The following LRBA variants were observed in gnomAD, a reference collection of about 807,000 sequenced individuals.
LRBA encodes the protein lipopolysaccharide-responsive and beige-like anchor protein.
A neutral mutation model predicts 330.0 loss-of-function variants in LRBA; 176 were observed. The observed-to-expected ratio is 0.53, with a 90% CI of 0.47 to 0.60. LRBA has a LOEUF of 0.60. Ranked by LOEUF, LRBA falls within the 20% of genes least tolerant of loss-of-function variation. The probability of loss-of-function intolerance (pLI) is 0.00; values close to 1 mark genes in which losing one functional copy is unlikely to be tolerated. For missense variants in LRBA, 3,259 were observed against 3,444.8 expected (o/e 0.95, Z 1.35); for synonymous variants, 1,230 against 1,193.0 (o/e 1.03, Z -0.64).
intron 37 of LRBA, among the ~76,000 whole-genome samples, chr4:150,654,993 G>A (rs990286009): frequency 6.8e-4 from 103 of 152,054 alleles, no homozygotes; most frequent in African/African-American, 2.2e-3. Flanking sequence ...GAATAGTGCC[G>A]CAATAAACAT....
intron 36 of LRBA, among the ~76,000 whole-genome samples, chr4:150,691,315 CA>C (rs1390231024): frequency 6.6e-6 from 1 of 151,998 alleles, no homozygotes; most frequent in Non-Finnish European, 1.5e-5. Flanking sequence ...ATCTAAATGA[CA>C]AATGAATTCT....
At chr4:150,923,019 T>C (rs1041933929) in intron 4 of LRBA, among the ~76,000 whole-genome samples, 1 of 152,076 alleles carries the variant, frequency 6.6e-6, no homozygotes, top group Non-Finnish European at 1.5e-5. Context: ...CAACTTACGA[T>C]AGGGTTACAT....
At chr4:150,717,567 G>A (rs1417942659) in intron 36 of LRBA, among the ~76,000 whole-genome samples, 1 of 151,398 alleles carries the variant, frequency 6.6e-6, no homozygotes, top group Non-Finnish European at 1.5e-5. Flanking sequence ...GGCTGAGGTG[G>A]GAAGATCACT....
At chr4:150,752,855 A>C (rs1016461729) in intron 35 of LRBA, among the ~76,000 whole-genome samples, 3 of 152,216 alleles carry the variant, frequency 2.0e-5, no homozygotes, top group Non-Finnish European at 2.9e-5. Flanking sequence ...TTTAGATAAA[A>C]TAATTTCTTA....
At chr4:150,710,066 G>A (rs1007872265) in intron 36 of LRBA, among the ~76,000 whole-genome samples, 54 of 152,008 alleles carry the variant, frequency 3.6e-4, no homozygotes, top group African/African-American at 1.2e-3. Context: ...GCTATTCTGC[G>A]TAAAAGAAAG....
At chr4:150,532,851 T>C (rs972200171) in intron 40 of LRBA, among the ~76,000 whole-genome samples, 1 of 152,122 alleles carries the variant, frequency 6.6e-6, no homozygotes, top group African/African-American at 2.4e-5. Flanking sequence ...AAGATTTTTA[T>C]GTACATCACA....
At position 150,852,117 on chromosome 4, in the gene LRBA, T is replaced by A; in HGVS notation, c.3593A>T (p.Gln1198Leu). 6.2e-7 allele frequency: 1 copy of A among 1,614,146 alleles called. No homozygotes were observed. Among genetic ancestry groups the A allele is most frequent in the Non-Finnish European group, 8.5e-7 (1 of 1,179,978 alleles). The change falls in exon 23 of 57, where the codon CAA becomes CTA. Residue 1198 changes from glutamine to leucine, a missense_variant. Coordinates refer to ENST00000651943, the MANE Select transcript of LRBA (RefSeq NM_001364905.1). Reference sequence around the variant, plus strand: ...ACCAAGGTCTGATTCTACAGCTATTTGGGAAACAGTAGTTTCTGGTGACAT... The same window carrying A: ...ACCAAGGTCTGATTCTACAGCTATTAGGGAAACAGTAGTTTCTGGTGACAT... ...SAMSPETTVS[Q>L]IAVESDLGQM...
intron 44 of LRBA, among the ~76,000 whole-genome samples, chr4:150,446,757 C>T (rs190549384): frequency 3.5e-4 from 53 of 152,200 alleles, no homozygotes; most frequent in African/African-American, 1.3e-3. Context: ...CCATTGCTGG[C>T]GAAATGAGTC....
At chr4:150,482,518 A>G (rs1206263338) in intron 42 of LRBA, among the ~76,000 whole-genome samples, 1 of 152,042 alleles carries the variant, frequency 6.6e-6, no homozygotes, top group East Asian at 1.9e-4. Context: ...TCATTGCATG[A>G]ACATATATTT....
intron 47 of LRBA, among the ~76,000 whole-genome samples, chr4:150,362,270 A>C (rs1738822394): frequency 6.6e-6 from 1 of 152,138 alleles, no homozygotes; most frequent in Admixed American, 6.5e-5. Context: ...AAATTTTATC[A>C]GACAATAAGC....
chr4:150,603,014 C>T (rs971717708), intron 37 of LRBA, among the ~76,000 whole-genome samples: 2 of 152,156 alleles, frequency 1.3e-5, no homozygotes, highest in African/African-American at 4.8e-5. Flanking sequence ...ATTAATACTA[C>T]ACAACACCCT....
intron 42 of LRBA, among the ~76,000 whole-genome samples, chr4:150,475,462 T>TTATA (rs1398071763): frequency 2.6e-5 from 4 of 152,228 alleles, no homozygotes; most frequent in African/African-American, 9.6e-5. Context: ...TATTTATGTG[T>TTATA]TATAGGTCTA....
At chr4:150,430,503 C>T (rs944209605) in intron 46 of LRBA, among the ~76,000 whole-genome samples, 22 of 152,124 alleles carry the variant, frequency 1.4e-4, no homozygotes, top group African/African-American at 5.3e-4. Context: ...CATGAGCCTA[C>T]TGTACTAAAT....
intron 51 of LRBA, among the ~76,000 whole-genome samples, chr4:150,312,488 T>A (rs1404459250): frequency 1.3e-5 from 2 of 152,152 alleles, no homozygotes; most frequent in Non-Finnish European, 2.9e-5. Context: ...AATAAAGACA[T>A]ATTTCCCTTC....
At chr4:150,716,929 T>A (rs1197847457) in intron 36 of LRBA, among the ~76,000 whole-genome samples, 2 of 152,220 alleles carry the variant, frequency 1.3e-5, no homozygotes, top group Admixed American at 6.5e-5. Context: ...TGTTCTGTGA[T>A]CAAAGCTAAA....
chr4:150,560,458 A>T (rs1561353849), intron 40 of LRBA, among the ~76,000 whole-genome samples: 1 of 152,086 alleles, frequency 6.6e-6, no homozygotes, highest in Non-Finnish European at 1.5e-5. Context: ...TGTGACCAAA[A>T]ACTAAATGAA....
chr4:150,858,658 G>A (rs1751514850), intron 22 of LRBA, among the ~76,000 whole-genome samples: 1 of 152,100 alleles, frequency 6.6e-6, no homozygotes, highest in African/African-American at 2.4e-5. Context: ...GTCCCCAGTA[G>A]CTGGGACCAC....
In LRBA at chr4:150,905,888, A is replaced by T. The variant is rs1400802504; in HGVS notation, c.1705T>A (p.Cys569Ser). The T allele has an allele frequency of 3.1e-6, 5 of 1,613,688 alleles. No homozygotes were observed. The highest frequency in any genetic ancestry group is 4.2e-6 in the Non-Finnish European group (5 of 1,179,774). ...QNGMPLLKQL[C>S]DHVLLNPAIW... is the part of the protein sequence containing the mutation. ...GCAGGATTAAGAAGAACGTGATCAC[A>T]CAATTGCTTGAGCAGGGGCATCCCA... The change falls in exon 13 of 57, where the codon TGT becomes AGT. Residue 569 changes from cysteine (C) to serine (S), a missense_variant. Cys to Ser is a moderately radical substitution (Grantham distance 112). Transcript: ENST00000651943.
At chr4:150,370,027 G>A (rs1469142792) in intron 47 of LRBA, among the ~76,000 whole-genome samples, 1 of 152,128 alleles carries the variant, frequency 6.6e-6, no homozygotes, top group Admixed American at 6.5e-5. Context: ...GTTTAACTAT[G>A]ATACTTCTAT....
Sources: gnomAD v4.1 joint callset for allele counts (sites outside exome capture counted in the v4.1 genomes callset) on GRCh38, gnomAD v4.1.1 for gene constraint, MANE v1.5 for transcripts, NCBI Gene and HGNC (gene_info 2026-07-23, HGNC 2026-07-21) for gene names.